MPRIP: variants seen among roughly 807,000 people sequenced by gnomAD.
MPRIP encodes the protein myosin phosphatase Rho-interacting protein.
A neutral mutation model predicts 234.9 loss-of-function variants in MPRIP; 59 were observed. That is an observed-to-expected ratio of 0.25 (90% CI 0.20 to 0.31). The LOEUF (loss-of-function observed/expected upper bound fraction) is 0.31. MPRIP is among the 10% of genes least tolerant of loss of function. MPRIP has a pLI of 1.00. For synonymous variants in MPRIP, 1,144 were observed against 1,263.9 expected (o/e 0.91, Z 2.01); for missense variants, 2,436 against 3,071.0 (o/e 0.79, Z 4.89).
At chr17:17,069,491 T>G (rs1407130470) in intron 1 of MPRIP, among the ~76,000 whole-genome samples, 5 of 151,980 alleles carry the variant, frequency 3.3e-5, no homozygotes, top group Admixed American at 2.6e-4. Flanking sequence ...TGCTTTTTTT[T>G]TTTTCCTGCT....
chr17:17,155,094 C>T (rs1041270954), intron 13 of MPRIP, among the ~76,000 whole-genome samples: 6 of 152,208 alleles, frequency 3.9e-5, no homozygotes, highest in Admixed American at 3.9e-4. Flanking sequence ...CTGTCCCCAC[C>T]TTCAGAGCCT....
intron 1 of MPRIP, among the ~76,000 whole-genome samples, chr17:17,055,217 T>G (rs1303320250): frequency 6.6e-6 from 1 of 152,050 alleles, no homozygotes; most frequent in African/African-American, 2.4e-5. Context: ...AGGAATTTCT[T>G]TGATGGGTGT....
At chr17:17,179,809 G>C (rs1262112990) in intron 22 of MPRIP, among the ~76,000 whole-genome samples, 194 bp from the exon 23 acceptor site, 1 of 152,190 alleles carries the variant, frequency 6.6e-6, no homozygotes, top group Non-Finnish European at 1.5e-5. Context: ...CATTGTGCTG[G>C]TGTTTTATGG....
At chr17:17,076,567 G>A (rs1207238977) in intron 2 of MPRIP, among the ~76,000 whole-genome samples, 2 of 152,160 alleles carry the variant, frequency 1.3e-5, no homozygotes, top group Non-Finnish European at 2.9e-5. Context: ...CTTCTAGAAT[G>A]GGTTTTGATT....
chr17:17,183,476 A>G (rs956897334), intron 23 of MPRIP, among the ~76,000 whole-genome samples: 1 of 152,316 alleles, frequency 6.6e-6, no homozygotes, highest in African/African-American at 2.4e-5. Context: ...TCGGCCTCCC[A>G]AAGTGCTGGG....
intron 2 of MPRIP, 67 bp downstream of exon 2, chr17:17,075,854 A>T (rs949098338): frequency 2.7e-6 from 4 of 1,461,434 alleles, no homozygotes; most frequent in Admixed American, 1.7e-5. Flanking sequence ...GTGAACTGGC[A>T]GAGTGGAAGA....
intron 3 of MPRIP, among the ~76,000 whole-genome samples, chr17:17,112,894 C>A (rs1290858789): frequency 1.3e-5 from 2 of 152,246 alleles, no homozygotes; most frequent in Non-Finnish European, 2.9e-5. Flanking sequence ...GCTGGTGACA[C>A]AGCCAACTCA....
intron 13 of MPRIP, 96 bp from the exon 14 acceptor site, chr17:17,158,336 C>G: frequency 2.9e-6 from 3 of 1,044,056 alleles, no homozygotes; most frequent in Non-Finnish European, 4.1e-6. Flanking sequence ...GTGGTGCTCA[C>G]AGGGGCTGGG....
intron 1 of MPRIP, among the ~76,000 whole-genome samples, chr17:17,047,448 G>T (rs2088389711): frequency 6.6e-6 from 1 of 151,794 alleles, no homozygotes; most frequent in Admixed American, 6.6e-5. Context: ...TCCAAGATTT[G>T]TAAAATAATT....
chr17:17,101,570 C>CA (rs1245821020), intron 3 of MPRIP, among the ~76,000 whole-genome samples: 1 of 150,846 alleles, frequency 6.6e-6, no homozygotes, highest in African/African-American at 2.5e-5. Context: ...AACTCCATCT[C>CA]AAAAAAAATT....
chr17:17,149,514 A>G (rs1014146427), intron 11 of MPRIP, among the ~76,000 whole-genome samples: 4 of 151,926 alleles, frequency 2.6e-5, no homozygotes, highest in Non-Finnish European at 5.9e-5. Flanking sequence ...AAACTTCCGT[A>G]TTGAACAGAT....
intron 1 of MPRIP, chr17:17,057,899 G>A (rs1282803707): frequency 7.1e-6 from 4 of 563,080 alleles, no homozygotes; most frequent in African/African-American, 1.9e-5. Context: ...AAGGATACAA[G>A]CAGCATACAT....
Position 17,191,127 on chromosome 17 carries a change from A to G in MPRIP, c.*6233A>G, listed in dbSNP as rs1454046440. The G allele has an allele frequency of 6.6e-6, 1 of 152,222 alleles. No homozygotes were observed. Among genetic ancestry groups the G allele is most frequent in the Non-Finnish European group, 1.5e-5 (1 of 68,040 alleles). The allele number at this position is 152,222 out of a possible 1,614,324, so 9.4% of individuals were successfully genotyped here. A position where few individuals can be genotyped will look rare whatever the true frequency, so the allele number is the denominator to read the frequency against. On this transcript the variant is annotated 3_prime_UTR_variant, in exon 24 of 24. Transcript: ENST00000651222. ...TGGTTTTAAAGTGTACAATATCCAA[A>G]ATAACGATAGCCCTGTATCCATACA... is the stretch of plus-strand genomic sequence containing the variant.
At chr17:17,183,737 C>T (rs1251358118) in intron 23 of MPRIP, among the ~76,000 whole-genome samples, 2 of 152,174 alleles carry the variant, frequency 1.3e-5, no homozygotes, top group Non-Finnish European at 2.9e-5. Flanking sequence ...TCTATCACAC[C>T]AGAGTCTCCA....
In MPRIP at chr17:17,158,643, G is replaced by A. The variant is rs772323892; in HGVS notation, c.2041G>A (p.Val681Met). The A allele has an allele frequency of 1.3e-5, 21 of 1,601,678 alleles. No individual in the cohort carries two copies. The highest frequency in any genetic ancestry group is 3.4e-5 in the Admixed American group (2 of 58,594). Residue 681 changes from valine to methionine, a missense_variant, in exon 14 of 24, where the codon GTG becomes ATG. Coordinates refer to ENST00000651222, the MANE Select transcript of MPRIP (RefSeq NM_001364716.4). ...CCTGGCTCAGGAGCGGGTGGGCGGC[G>A]TGGGGCCTGCTGACACCCACGAGCC... ...QALAQERVGG[V>M]GPADTHEPLR...
chr17:17,108,273 C>G (rs760052124), intron 3 of MPRIP, among the ~76,000 whole-genome samples: 1 of 152,242 alleles, frequency 6.6e-6, no homozygotes, highest in African/African-American at 2.4e-5. Flanking sequence ...TTCTGTCTTT[C>G]TTTGCTTTCA....
intron 1 of MPRIP, among the ~76,000 whole-genome samples, chr17:17,073,261 A>C (rs918552756): frequency 6.6e-6 from 1 of 152,114 alleles, no homozygotes; most frequent in Non-Finnish European, 1.5e-5. Context: ...CACCTGCATC[A>C]GTCCCCTCTG....
chr17:17,143,453 G>C (rs2045375412), intron 8 of MPRIP, 103 bp from the exon 9 acceptor site: 1 of 680,086 alleles, frequency 1.5e-6, no homozygotes, highest in African/African-American at 1.9e-5. Context: ...CTCGCCAGGA[G>C]CAAGGCCCTG....
chr17:17,059,266 C>T (rs918163533), intron 1 of MPRIP, among the ~76,000 whole-genome samples: 1 of 152,200 alleles, frequency 6.6e-6, no homozygotes, highest in Non-Finnish European at 1.5e-5. Flanking sequence ...GTGGCCATAG[C>T]ATGTCCTGTG....
Sources: gnomAD v4.1 joint callset for allele counts (sites outside exome capture counted in the v4.1 genomes callset) on GRCh38, gnomAD v4.1.1 for gene constraint, MANE v1.5 for transcripts, NCBI Gene and HGNC (gene_info 2026-07-23, HGNC 2026-07-21) for gene names.